The following ANKRD11 variants were observed in gnomAD, a reference collection of about 807,000 sequenced individuals.
The protein encoded by ANKRD11 is ankyrin repeat domain-containing protein 11.
ANKRD11 carries 17 observed loss-of-function variants against 195.7 expected under a neutral mutation model. The observed-to-expected ratio is 0.09, with a 90% confidence interval of 0.06 to 0.13. The LOEUF (loss-of-function observed/expected upper bound fraction) is 0.13, where lower values mean the gene tolerates loss of function less well. Among genes scored for constraint, ANKRD11 ranks in the 10% least tolerant of loss-of-function variants. The pLI is 1.00. For missense variants in ANKRD11, 3,735 were observed against 3,566.1 expected (o/e 1.05, Z -1.21); for synonymous variants, 1,953 against 1,528.1 (o/e 1.28, Z -6.49).
chr16:89,380,480 TTGGG>T (rs2040597134), intron 2 of ANKRD11, among the ~76,000 whole-genome samples: 1 of 152,192 alleles, frequency 6.6e-6, no homozygotes, highest in Admixed American at 6.6e-5. Context: ...GATAGCTTCC[TTGGG>T]GCTACTCCAG....
intron 1 of ANKRD11, among the ~76,000 whole-genome samples, chr16:89,456,542 CAAAAAA>C (rs748076442): frequency 1.3e-5 from 1 of 74,324 alleles, no homozygotes; most frequent in African/African-American, 5.0e-5. Flanking sequence ...GACTCCGTTT[CAAAAAA>C]AAAAAAAAAA....
intron 2 of ANKRD11, among the ~76,000 whole-genome samples, chr16:89,348,588 G>A (rs2039053032): frequency 6.6e-6 from 1 of 152,174 alleles, no homozygotes; most frequent in Non-Finnish European, 1.5e-5. Context: ...AGGTTTCTTT[G>A]TGGGAAGGGT....
intron 1 of ANKRD11, chr16:89,420,346 G>C (rs997506664): frequency 6.6e-6 from 1 of 152,194 alleles, no homozygotes; most frequent in African/African-American, 2.4e-5. Flanking sequence ...CAACAGGGTT[G>C]AGCAGCGTCG....
rs1162054730 is a variant in ANKRD11 at position 89,281,478 on chromosome 16, G to A, written c.5064C>T (p.Val1688=). ...GGTCAGGCCTGGGGGACGCAGGCAG[G>A]ACCTCTTTCATGTGAGGGCCTGCCA... The part of the protein sequence containing the change: ...DWLAGPHMKE[V]LPASPRPDQS... Residue 1688 remains valine (V), a synonymous_variant, in exon 9 of 13, where the codon GTC becomes GTT. Coordinates refer to ENST00000301030, the MANE Select transcript of ANKRD11 (RefSeq NM_013275.6). This position sits in a 1 kb window ranked among gnomAD's most constrained non-coding sequence, Gnocchi z 5.5. 6.2e-7 allele frequency: 1 copy of A among 1,614,208 alleles called. No homozygotes were observed. The highest frequency in any genetic ancestry group is 8.5e-7 in the Non-Finnish European group (1 of 1,180,034).
At position 89,279,409 on chromosome 16, in the gene ANKRD11, T is replaced by G. The variant is rs746579362; in HGVS notation, c.7133A>C (p.Asp2378Ala). 2.3e-5 allele frequency: 36 copies of G among 1,537,694 alleles called. No individual in the cohort carries two copies. Among genetic ancestry groups the G allele is most frequent in the South Asian group, 3.5e-5 (3 of 84,690 alleles). Reference sequence around the variant, plus strand: ...TTTGCGCGGATGCTGGGCCTGGGCGTCGTCGTCCTCGGAGCCGCGGGCCTT... The same window carrying G: ...TTTGCGCGGATGCTGGGCCTGGGCGGCGTCGTCCTCGGAGCCGCGGGCCTT... ...RAKARGSEDD[D>A]AQAQHPRKRR... is the part of the protein sequence containing the mutation. The change falls in exon 9 of 13, where the codon GAC (aspartate) becomes GCC (alanine). Residue 2378 changes from aspartate to alanine, a missense_variant. Physicochemically the swap from Asp to Ala is moderately radical, Grantham distance 126. Coordinates refer to ENST00000301030, the MANE Select transcript of ANKRD11 (RefSeq NM_013275.6). The surrounding 1 kb of genome is among the most constrained non-coding windows in gnomAD (Gnocchi z 5.6).
rs1249946987 is a variant in ANKRD11 at position 89,429,153 on chromosome 16, C to T, written c.-144-10785G>A. 3.4e-5 allele frequency among the ~76,000 whole-genome samples: 5 copies of T among 147,026 alleles called. No individual in the cohort carries two copies. In the East Asian group the frequency reaches 6.1e-4, roughly 18 times the overall value. Reference sequence around the variant, plus strand: ...GGGACTCTCAACTCTCGCGCTCAGACGTTCTAGTACACAGCAGGGATTCTC... The same window carrying T: ...GGGACTCTCAACTCTCGCGCTCAGATGTTCTAGTACACAGCAGGGATTCTC... On this transcript the variant is annotated intron_variant, in intron 1 of 12. Coordinates refer to ENST00000301030, the MANE Select transcript of ANKRD11 (RefSeq NM_013275.6).
At chr16:89,376,426 G>C (rs985254569) in intron 2 of ANKRD11, among the ~76,000 whole-genome samples, 2 of 152,178 alleles carry the variant, frequency 1.3e-5, no homozygotes, top group African/African-American at 4.8e-5. Context: ...AAGGACATGT[G>C]CCTGAACAGG....
chr16:89,299,965 G>A, intron 4 of ANKRD11: 2 of 171,374 alleles, frequency 1.2e-5, no homozygotes, highest in South Asian at 1.1e-4. Flanking sequence ...TGTGTGAGGT[G>A]CCTGCCCTGT....
chr16:89,311,014 T>C (rs74033742), intron 3 of ANKRD11, among the ~76,000 whole-genome samples: 2,482 of 152,358 alleles, frequency 0.016, 60 homozygotes, highest in African/African-American at 0.056. Context: ...TTAAATATGA[T>C]GTCAGTTGCA....
At chr16:89,293,152 A>G (rs1047373664) in intron 4 of ANKRD11, among the ~76,000 whole-genome samples, 3 of 152,162 alleles carry the variant, frequency 2.0e-5, no homozygotes, top group Non-Finnish European at 4.4e-5. Flanking sequence ...ACGCACATTC[A>G]GAGGCCTGCT....
At chr16:89,355,136 C>A (rs2039410303) in intron 2 of ANKRD11, among the ~76,000 whole-genome samples, 1 of 152,206 alleles carries the variant, frequency 6.6e-6, no homozygotes, top group African/African-American at 2.4e-5. Context: ...CCCGTCTGGC[C>A]AAGGAGCCTC....
chr16:89,344,606 C>G (rs936285914), intron 2 of ANKRD11, among the ~76,000 whole-genome samples: 1 of 152,196 alleles, frequency 6.6e-6, no homozygotes, highest in Non-Finnish European at 1.5e-5. Flanking sequence ...TGCAAGCGTC[C>G]GGGAGGACAC....
At chr16:89,487,755 C>G (rs2057668821) in intron 1 of ANKRD11, among the ~76,000 whole-genome samples, 1 of 152,086 alleles carries the variant, frequency 6.6e-6, no homozygotes, top group Admixed American at 6.5e-5. Flanking sequence ...GCCTGGGCGA[C>G]AGAGCGAGAC....
chr16:89,313,712 T>A, intron 3 of ANKRD11: 1 of 760,542 alleles, frequency 1.3e-6, no homozygotes, highest in Non-Finnish European at 1.9e-6. Flanking sequence ...TGTGTGCACC[T>A]GAGTTCTGGC....
intron 1 of ANKRD11, among the ~76,000 whole-genome samples, chr16:89,471,152 A>G (rs981071025): frequency 1.3e-5 from 2 of 151,686 alleles, no homozygotes; most frequent in African/African-American, 4.8e-5. Flanking sequence ...CAGAAGCTGG[A>G]GATCAGCCTG....
intron 2 of ANKRD11, among the ~76,000 whole-genome samples, chr16:89,374,961 C>T (rs893240868): frequency 3.3e-5 from 5 of 152,044 alleles, no homozygotes; most frequent in African/African-American, 9.7e-5. Flanking sequence ...CATGAATGTA[C>T]AAAATATATG....
intron 1 of ANKRD11, among the ~76,000 whole-genome samples, chr16:89,462,579 G>A (rs1355202428): frequency 1.3e-5 from 2 of 151,686 alleles, no homozygotes; most frequent in African/African-American, 2.4e-5. Context: ...AGTCTGGAAA[G>A]TGAGGAGCGT....
At chr16:89,427,230 G>A (rs1030284778) in intron 1 of ANKRD11, among the ~76,000 whole-genome samples, 4 of 152,200 alleles carry the variant, frequency 2.6e-5, no homozygotes, top group Admixed American at 1.3e-4. Context: ...CTTGCACCCT[G>A]TAACCACAAA....
chr16:89,376,032 G>T (rs2040410210), intron 2 of ANKRD11, among the ~76,000 whole-genome samples: 1 of 152,186 alleles, frequency 6.6e-6, no homozygotes, highest in Non-Finnish European at 1.5e-5. Context: ...AAAAAGAACA[G>T]GACATCCGTG....
Sources: gnomAD v4.1 joint callset for allele counts (sites outside exome capture counted in the v4.1 genomes callset) on GRCh38, gnomAD v4.1.1 for gene constraint, Gnocchi (gnomAD v3.1) non-coding constraint, MANE v1.5 for transcripts, NCBI Gene and HGNC (gene_info 2026-07-23, HGNC 2026-07-21) for gene names.